Variants in HPSE observed in about 807,000 individuals in gnomAD.
The protein encoded by HPSE is heparanase.
Under a neutral mutation model 65.1 loss-of-function variants are expected in HPSE, and 48 were observed. The observed-to-expected ratio is 0.74, with a 90% CI of 0.58 to 0.94. The LOEUF is 0.94. HPSE is among the 40% of genes least tolerant of loss of function. HPSE has a pLI of 0.00. For synonymous variants in HPSE, 243 were observed against 260.0 expected, an observed-to-expected ratio of 0.93 and a Z score of 0.63; for missense variants, 644 against 637.5, an observed-to-expected ratio of 1.01 and a Z score of -0.11.
At chr4:83,302,086 G>C in intron 10 of HPSE, 64 bp downstream of exon 10, 4 of 1,031,370 alleles carry the variant, frequency 3.9e-6, no homozygotes, top group Non-Finnish European at 6.1e-6. Context: ...CAGGGTGTTT[G>C]AGTAAAGTTA....
chr4:83,295,427 G>GGA lies in HPSE; in HGVS notation c.1547_1548dup (p.Arg517SerfsTer18), dbSNP rs778487365. On this transcript the variant is annotated frameshift_variant, in exon 12 of 12. Coordinates refer to ENST00000311412, the MANE Select transcript of HPSE (RefSeq NM_001098540.3). LOFTEE classifies it high-confidence loss of function. ...GGCAAGCCCAGTGAACTTCCTGGCC[G>GGA]GAGAGGTTTTTCCATTAAAGGTGGC... The GGA allele has an allele frequency of 6.2e-7, 1 of 1,613,252 alleles. No homozygotes were observed.
At position 83,319,188 on chromosome 4, in the gene HPSE, A is replaced by G. The variant is rs960502976; in HGVS notation, c.499+156T>C. 14 of 743,672 alleles carry G rather than the reference A, an allele frequency of 1.9e-5. 1 individual carries two copies. The highest frequency in any genetic ancestry group is 2.9e-5 in the Non-Finnish European group (13 of 453,440). 46.1% of individuals were successfully genotyped at this position (743,672 alleles called of 1,614,324 possible). ...AAAAACAAACAAAAAAAAAACCAAA[A>G]AGCAAGTTTTGAGTTTAGGATTTCC... On this transcript the variant is annotated intron_variant, in intron 3 of 11. Transcript: ENST00000311412.
At position 83,313,244 on chromosome 4, in the gene HPSE, T is replaced by C; in HGVS notation, c.543A>G (p.Gly181=). 1.2e-6 allele frequency: 2 copies of C among 1,613,884 alleles called. No homozygotes were observed. The highest frequency in any genetic ancestry group is 1.1e-5 in the South Asian group (1 of 91,060). The change falls in exon 4 of 12, where the codon GGA becomes GGG. Residue 181 remains glycine, a synonymous_variant. Transcript: ENST00000311412. ...CATTTAGGCCAAAGATCAAGTCCAGTCCTGAGCAGTTTGCAAAAGTGTATA... is the reference window on the plus strand; with the variant it reads ...CATTTAGGCCAAAGATCAAGTCCAGCCCTGAGCAGTTTGCAAAAGTGTATA... ...DVLYTFANCS[G]LDLIFGLNAL...
At chr4:83,314,075 A>C (rs1736530126) in intron 3 of HPSE, among the ~76,000 whole-genome samples, 1 of 152,060 alleles carries the variant, frequency 6.6e-6, no homozygotes. Context: ...CAACATGGCA[A>C]AACCACATCT....
chr4:83,300,571 TTGGGAGGACGAGGCGGGCA>T (rs1735903729), intron 11 of HPSE, among the ~76,000 whole-genome samples: 1 of 85,952 alleles, frequency 1.2e-5, no homozygotes. Flanking sequence ...TTATTACACT[TTGGGAGGACGAGGCGGGCA>T]GATCACGAGG....
At chr4:83,302,406 C>T in intron 9 of HPSE, 138 bp from the exon 10 acceptor site, 13 of 501,836 alleles carry the variant, frequency 2.6e-5, no homozygotes, top group South Asian at 1.0e-4. Flanking sequence ...TAGGATTCAT[C>T]TTTTTTTTTT....
chr4:83,321,371 G>T (rs1736885628), intron 2 of HPSE, among the ~76,000 whole-genome samples: 1 of 152,038 alleles, frequency 6.6e-6, no homozygotes, highest in Admixed American at 6.6e-5. Context: ...AGAAGGAAAA[G>T]ATATAATATA....
intron 8 of HPSE, 31 bp from the exon 9 acceptor site, chr4:83,306,348 G>C (rs538782794): frequency 5.6e-6 from 7 of 1,241,932 alleles, no homozygotes; most frequent in Non-Finnish European, 7.1e-6. Context: ...GCTTTCTTGA[G>C]GTTTGGAAAC....
chr4:83,313,214 T>TA lies in HPSE; in HGVS notation c.572dup (p.Leu191PhefsTer13), dbSNP rs778484598. ...TCCACTGCAAATCTGCTGTTCTTAA[T>TA]AACGCATTTAGGCCAAAGATCAAGT... On this transcript the variant is annotated frameshift_variant, in exon 4 of 12. Coordinates refer to ENST00000311412, the MANE Select transcript of HPSE (RefSeq NM_001098540.3). LOFTEE classifies it high-confidence loss of function. The TA allele has an allele frequency of 1.2e-6, 2 of 1,613,992 alleles. No homozygotes were observed. Among genetic ancestry groups the TA allele is most frequent in the Non-Finnish European group, 1.7e-6 (2 of 1,179,912 alleles).
At position 83,308,957 on chromosome 4, in the gene HPSE, G is replaced by A; in HGVS notation, c.985-6C>T. The A allele has an allele frequency of 6.2e-7, 1 of 1,611,360 alleles. No individual in the cohort carries two copies. The highest frequency in any genetic ancestry group is 1.1e-5 in the South Asian group (1 of 90,982). ...GGCCTGGTGCTCTCAACCACCTATAGAACAGAAAAGTATCCATGGTAATTG... is the reference window on the plus strand; with the variant it reads ...GGCCTGGTGCTCTCAACCACCTATAAAACAGAAAAGTATCCATGGTAATTG... On this transcript the variant is annotated splice_region_variant and splice_polypyrimidine_tract_variant and intron_variant, in intron 7 of 11. Coordinates refer to ENST00000311412, the MANE Select transcript of HPSE (RefSeq NM_001098540.3).
At chr4:83,298,137 G>A (rs1382715660) in intron 11 of HPSE, among the ~76,000 whole-genome samples, 2 of 152,148 alleles carry the variant, frequency 1.3e-5, no homozygotes, top group African/African-American at 4.8e-5. Context: ...CATCAGGCTG[G>A]GCAATGAGGG....
Position 83,313,032 on chromosome 4 carries a change from A to G in HPSE, c.673+82T>C, listed in dbSNP as rs545203974. The G allele has an allele frequency of 8.1e-5, 83 of 1,028,626 alleles. 2 individuals are homozygous for G. In the South Asian group the frequency reaches 1.1e-3, roughly 14 times the overall value. 63.7% of individuals were successfully genotyped at this position (1,028,626 alleles called of 1,614,324 possible). A position where few individuals can be genotyped will look rare whatever the true frequency, so the allele number is the denominator to read the frequency against. On this transcript the variant is annotated intron_variant, in intron 4 of 11. Transcript: ENST00000311412. ...GCGAGACTCTGTCTCAAAAAAAAAA[A>G]AAAAAAAAAGAAAAAGAAAAGAAAA...
intron 9 of HPSE, among the ~76,000 whole-genome samples, chr4:83,305,635 T>G (rs1348192944): frequency 6.6e-6 from 1 of 152,224 alleles, no homozygotes; most frequent in African/African-American, 2.4e-5. Context: ...GACATACAGA[T>G]CTTCCACGAG....
At position 83,312,841 on chromosome 4, in the gene HPSE, C is replaced by CAAAAAAAAAAA. The variant is rs1200808673; in HGVS notation, c.673+262_673+272dup. ...TGAAACCCCGTCTCTACTAAAAATG[C>CAAAAAAAAAAA]AAAAAAAAAAAAAAAAAAAAAAAAA... On this transcript the variant is annotated intron_variant, in intron 4 of 11. Transcript: ENST00000311412. 5.5e-4 allele frequency among the ~76,000 whole-genome samples: 6 copies of CAAAAAAAAAAA among 10,990 alleles called. 1 individual carries two copies. The highest frequency in any genetic ancestry group is 2.0e-3 in the African/African-American group (4 of 1,958). The allele number at this position is 10,990 out of a possible 152,430, so 7.2% of individuals were successfully genotyped here.
Position 83,319,363 on chromosome 4 carries a change from G to A in HPSE, c.480C>T (p.Phe160=), listed in dbSNP as rs769215132. The A allele has an allele frequency of 6.3e-5, 101 of 1,613,702 alleles. No individual in the cohort carries two copies. Among genetic ancestry groups the A allele is most frequent in the Non-Finnish European group, 8.3e-5 (98 of 1,179,868 alleles). ...TCTTACTTGAGTAGGTGCTGTTCTT[G>A]AACTTTTTCTGGTAGTGTTCTCGGA... is the stretch of plus-strand genomic sequence containing the variant. ...LLLREHYQKK[F]KNSTYSRSSV... is the part of the protein sequence containing the mutation. Residue 160 remains phenylalanine (F), a synonymous_variant, in exon 3 of 12, where the codon TTC becomes TTT. Coordinates refer to ENST00000311412, the MANE Select transcript of HPSE (RefSeq NM_001098540.3).
chr4:83,306,192 TG>T lies in HPSE; in HGVS notation c.1206+10del. 1 of 1,497,992 alleles carries T rather than the reference TG, an allele frequency of 6.7e-7. No homozygotes were observed. Among genetic ancestry groups the T allele is most frequent in the Non-Finnish European group, 9.3e-7 (1 of 1,074,198 alleles). 92.8% of individuals were successfully genotyped at this position (1,497,992 alleles called of 1,614,324 possible). Reference sequence around the variant, plus strand: ...TACTCCACTAGAATTAGGAAAATAATGGTCACTTACAGGTAAAGGATCGAAG... The same window carrying T: ...TACTCCACTAGAATTAGGAAAATAATGTCACTTACAGGTAAAGGATCGAAG... On this transcript the variant is annotated intron_variant, in intron 9 of 11. Coordinates refer to ENST00000311412, the MANE Select transcript of HPSE (RefSeq NM_001098540.3).
chr4:83,333,818 G>C (rs1737495199), intron 1 of HPSE, among the ~76,000 whole-genome samples: 1 of 147,392 alleles, frequency 6.8e-6, no homozygotes. Context: ...TTTTATTCCT[G>C]TTCTGTGACG....
chr4:83,316,311 G>A (rs957791717), intron 3 of HPSE, among the ~76,000 whole-genome samples: 7 of 149,362 alleles, frequency 4.7e-5, no homozygotes, highest in African/African-American at 1.5e-4. Flanking sequence ...ACAGGCGTGA[G>A]CCACCACGTC....
intron 11 of HPSE, among the ~76,000 whole-genome samples, chr4:83,299,235 A>G (rs1735842764): frequency 6.6e-6 from 1 of 151,794 alleles, no homozygotes; most frequent in Non-Finnish European, 1.5e-5. Flanking sequence ...GTGGTGATGC[A>G]TGCCTCTAAT....
Sources: gnomAD v4.1 joint callset for allele counts (sites outside exome capture counted in the v4.1 genomes callset) on GRCh38, gnomAD v4.1.1 for gene constraint, MANE v1.5 for transcripts, NCBI Gene and HGNC (gene_info 2026-07-23, HGNC 2026-07-21) for gene names.